RBFOX1: variants seen among roughly 807,000 people sequenced by gnomAD.
The protein encoded by RBFOX1 is RNA binding fox-1 homolog 1.
RBFOX1 carries 8 observed loss-of-function variants against 57.7 expected under a neutral mutation model. The observed-to-expected ratio is 0.14, with a 90% confidence interval of 0.08 to 0.25. The LOEUF (loss-of-function observed/expected upper bound fraction) is 0.25, where lower values mean the gene tolerates loss of function less well. Ranked by LOEUF, RBFOX1 falls within the 10% of genes least tolerant of loss-of-function variation. The pLI is 1.00. For missense variants in RBFOX1, 611 were observed against 548.5 expected (o/e 1.11, Z -1.14); for synonymous variants, 326 against 222.4 (o/e 1.47, Z -4.15).
rs557334159 is a variant in RBFOX1, at chr16:6,585,060, C to G, written c.-63-69543C>G. The stretch of plus-strand genomic sequence containing the variant: ...AGGCTTTGTAGGCATCACTTCTTCT[C>G]TGAGACACAGAGAGCTTGGCATCTC... On this transcript the variant is annotated intron_variant, in intron 2 of 15. Coordinates refer to ENST00000550418, the MANE Select transcript of RBFOX1 (RefSeq NM_018723.4). 3.3e-5 allele frequency among the ~76,000 whole-genome samples: 5 copies of G among 152,254 alleles called. No homozygotes were observed. The South Asian group carries it at 1.0e-3, about 32-fold the overall frequency.
At chr16:7,630,778 C>G in intron 11 of RBFOX1, 95 bp downstream of exon 11, 3 of 1,546,778 alleles carry the variant, frequency 1.9e-6, no homozygotes, top group Non-Finnish European at 2.6e-6. Context: ...TCCCTCTGCC[C>G]CACCCTCTCT....
At chr16:5,667,462 A>C (rs2049884342) in intron 3 of RBFOX1, among the ~76,000 whole-genome samples, 1 of 152,184 alleles carries the variant, frequency 6.6e-6, no homozygotes. Flanking sequence ...GTATGCAGAT[A>C]GTTTTTGGGA....
At chr16:5,739,039 CTT>C (rs1175904900) in intron 3 of RBFOX1, among the ~76,000 whole-genome samples, 1 of 152,162 alleles carries the variant, frequency 6.6e-6, no homozygotes, top group Non-Finnish European at 1.5e-5. Context: ...AGAAAAAACT[CTT>C]TTTTGCTGTT....
At chr16:7,490,175 T>C (rs2066553242) in intron 4 of RBFOX1, among the ~76,000 whole-genome samples, 1 of 152,242 alleles carries the variant, frequency 6.6e-6, no homozygotes, top group Non-Finnish European at 1.5e-5. Context: ...GGCAGAAATG[T>C]CTGATTTGAC....
Position 7,467,120 on chromosome 16 carries a change from C to T in RBFOX1, c.28-51027C>T, listed in dbSNP as rs1477659455. On this transcript the variant is annotated intron_variant, in intron 4 of 15. Coordinates refer to ENST00000550418, the MANE Select transcript of RBFOX1 (RefSeq NM_018723.4). ...CGATATGAAGGATAAGTAACACAAG[C>T]ATCTAACAGAGGTAACTGATAGAGT... Among the ~76,000 whole-genome samples the T allele has an allele frequency of 2.0e-5, 3 of 152,166 alleles. 1 individual carries two copies. Among genetic ancestry groups the T allele is most frequent in the South Asian group, 2.1e-4 (1 of 4,834 alleles).
Position 6,019,995 on chromosome 16 carries a change from A to G in RBFOX1, c.-127+3A>G. ...GCCGGGCTCGCCGGGAGTTCTAGGTAAGTCCAGGCGGAGTCATTGCCTCTG... is the reference window on the plus strand; with the variant it reads ...GCCGGGCTCGCCGGGAGTTCTAGGTGAGTCCAGGCGGAGTCATTGCCTCTG... On this transcript the variant is annotated splice_donor_region_variant and intron_variant, in intron 1 of 15. Coordinates refer to ENST00000550418, the MANE Select transcript of RBFOX1 (RefSeq NM_018723.4). This position sits in a 1 kb window ranked among gnomAD's most constrained non-coding sequence, Gnocchi z 4.2. 1 of 1,524,268 alleles carries G rather than the reference A, an allele frequency of 6.6e-7. No individual in the cohort carries two copies. Among genetic ancestry groups the G allele is most frequent in the Non-Finnish European group, 8.8e-7 (1 of 1,139,158 alleles). The allele number at this position is 1,524,268 out of a possible 1,614,324, so 94.4% of individuals were successfully genotyped here. A position where few individuals can be genotyped will look rare whatever the true frequency, so the allele number is the denominator to read the frequency against.
rs182459909 is a variant in RBFOX1 at position 6,497,994 on chromosome 16, A to G, written c.-63-156609A>G. Among the ~76,000 whole-genome samples, 804 of 152,176 alleles carry G rather than the reference A, an allele frequency of 5.3e-3. 7 individuals are homozygous for G. Among genetic ancestry groups the G allele is most frequent in the Non-Finnish European group, 9.1e-3 (621 of 68,016 alleles). ...CCAGGCACAGTGGTTCATGCCTGTAATCCCAACACTTTGGGAGGCTGAGGC... is the reference window on the plus strand; with the variant it reads ...CCAGGCACAGTGGTTCATGCCTGTAGTCCCAACACTTTGGGAGGCTGAGGC... On this transcript the variant is annotated intron_variant, in intron 2 of 15. Transcript: ENST00000550418.
chr16:6,295,099 G>GTTTTTTTTTT (rs563055676), intron 1 of RBFOX1, among the ~76,000 whole-genome samples: 2 of 96,004 alleles, frequency 2.1e-5, no homozygotes, highest in African/African-American at 8.5e-5. Flanking sequence ...TAAGCAGTGA[G>GTTTTTTTTTT]TTTTTTTTTT....
chr16:5,260,084 C>A (rs781384577), intron 1 of RBFOX1, among the ~76,000 whole-genome samples: 9 of 152,036 alleles, frequency 5.9e-5, no homozygotes, highest in Non-Finnish European at 1.0e-4. Flanking sequence ...GCCTATAATC[C>A]CAGCTACGTG....
At chr16:7,215,786 G>A (rs149747969) in intron 4 of RBFOX1, among the ~76,000 whole-genome samples, 1,552 of 149,124 alleles carry the variant, frequency 0.01, 35 homozygotes, top group African/African-American at 0.036. Context: ...GTGCAGTGGC[G>A]TGATCTCGGC....
intron 1 of RBFOX1, among the ~76,000 whole-genome samples, chr16:5,367,827 GGTCT>G (rs1377978241): frequency 1.3e-5 from 2 of 152,040 alleles, no homozygotes; most frequent in South Asian, 2.1e-4. Flanking sequence ...CTTAAACCTG[GGTCT>G]GTCTGTCTGT....
intron 3 of RBFOX1, among the ~76,000 whole-genome samples, chr16:6,873,567 G>C (rs1482603491): frequency 6.6e-6 from 1 of 152,080 alleles, no homozygotes; most frequent in Non-Finnish European, 1.5e-5. Context: ...CAACTTTGCT[G>C]CATAAACTAT....
At chr16:7,635,810 A>T (rs1471350673) in intron 11 of RBFOX1, among the ~76,000 whole-genome samples, 3 of 151,790 alleles carry the variant, frequency 2.0e-5, no homozygotes, top group Admixed American at 2.0e-4. Flanking sequence ...TATTTTATTT[A>T]TTTATTTTTT....
In RBFOX1 at chr16:5,334,983, T is replaced by C. The variant is rs532746294; in HGVS notation, c.219+94878T>C. ...TTGTAGTATAGACTTCAAGTAGACT[T>C]GTTTTTCTAGGCCAAAGAGTATGCC... On this transcript the variant is annotated intron_variant, in intron 1 of 2. Transcript: ENST00000585867. Among the ~76,000 whole-genome samples the C allele has an allele frequency of 2.0e-5, 3 of 152,274 alleles. No homozygotes were observed. In the South Asian group the frequency reaches 6.2e-4, roughly 32 times the overall value.
chr16:5,565,386 G>C (rs1225139218), intron 2 of RBFOX1, among the ~76,000 whole-genome samples: 1 of 152,132 alleles, frequency 6.6e-6, no homozygotes, highest in Non-Finnish European at 1.5e-5. Flanking sequence ...ATCATTTTGG[G>C]AGGCTGAGAT....
In RBFOX1 at chr16:5,411,259, T is replaced by C. The variant is rs140372492; in HGVS notation, c.220-55957T>C. 2.8e-3 allele frequency among the ~76,000 whole-genome samples: 422 copies of C among 152,228 alleles called. 3 individuals carry two copies. Among genetic ancestry groups the C allele is most frequent in the African/African-American group, 9.8e-3 (407 of 41,534 alleles). On this transcript the variant is annotated intron_variant, in intron 1 of 2. Coordinates refer to the RBFOX1 transcript ENST00000585867. Reference sequence around the variant, plus strand: ...TTTGCATGTATGATTAAATTAAGGATTTTGAGATGGGAGGTCATCCTGGAT... The same window carrying C: ...TTTGCATGTATGATTAAATTAAGGACTTTGAGATGGGAGGTCATCCTGGAT...
At chr16:7,012,216 A>C (rs192859942) in intron 3 of RBFOX1, among the ~76,000 whole-genome samples, 1 of 152,234 alleles carries the variant, frequency 6.6e-6, no homozygotes, top group Admixed American at 6.5e-5. Context: ...TTTTTGTTCA[A>C]CTTGCTTAAC....
chr16:5,726,081 T>C (rs1369440768), intron 3 of RBFOX1, among the ~76,000 whole-genome samples: 1 of 151,544 alleles, frequency 6.6e-6, no homozygotes, highest in East Asian at 1.9e-4. Context: ...ACTTTTATTA[T>C]TATTTTTTTT....
intron 3 of RBFOX1, among the ~76,000 whole-genome samples, chr16:6,836,553 G>T (rs534313515): frequency 1.1e-4 from 16 of 152,236 alleles, no homozygotes; most frequent in African/African-American, 3.1e-4. Context: ...ACCTTCAAAT[G>T]GGAACCTTTT....
Sources: gnomAD v4.1 joint callset for allele counts (sites outside exome capture counted in the v4.1 genomes callset) on GRCh38, gnomAD v4.1.1 for gene constraint, Gnocchi (gnomAD v3.1) non-coding constraint, MANE v1.5 for transcripts, NCBI Gene and HGNC (gene_info 2026-07-23, HGNC 2026-07-21) for gene names.